ANKFY1: variants seen among roughly 807,000 people sequenced by gnomAD.
The protein encoded by ANKFY1 is ankyrin repeat and FYVE domain containing 1.
Under a neutral mutation model 128.3 loss-of-function variants are expected in ANKFY1, and 47 were observed. That is an observed-to-expected ratio of 0.37 (90% CI 0.29 to 0.47). The LOEUF is 0.47. Among genes scored for constraint, ANKFY1 ranks in the 20% least tolerant of loss-of-function variants. The probability of loss-of-function intolerance (pLI) is 1.00; values close to 1 mark genes in which losing one functional copy is unlikely to be tolerated. For missense variants in ANKFY1, 1,222 were observed against 1,510.6 expected (o/e 0.81, Z 3.17); for synonymous variants, 553 against 601.6 (o/e 0.92, Z 1.18).
At chr17:4,172,945 C>T (rs1446021616) in intron 21 of ANKFY1, among the ~76,000 whole-genome samples, 2 of 152,202 alleles carry the variant, frequency 1.3e-5, no homozygotes, top group East Asian at 3.9e-4. Context: ...CTGCAAGCTC[C>T]GCCTCCCGGG....
chr17:4,171,737 G>A (rs373106909), intron 22 of ANKFY1, among the ~76,000 whole-genome samples: 3 of 152,272 alleles, frequency 2.0e-5, no homozygotes, highest in South Asian at 2.1e-4. Flanking sequence ...AAAACAGTGC[G>A]CACGTAGCAA....
chr17:4,178,693 C>A lies in ANKFY1; in HGVS notation c.2598+164G>T. ...ACAGGCAGAGGAGCCGGATCTCATC[C>A]TGCACGGATGGGACATCTCAACAGC... On this transcript the variant is annotated intron_variant, in intron 18 of 24. Coordinates refer to ENST00000341657, the MANE Select transcript of ANKFY1 (RefSeq NM_001330063.2). This position sits in a 1 kb window ranked among gnomAD's most constrained non-coding sequence, Gnocchi z 4.1. 1 of 708,622 alleles carries A rather than the reference C, an allele frequency of 1.4e-6. No homozygotes were observed. The highest frequency in any genetic ancestry group is 2.4e-6 in the Non-Finnish European group (1 of 419,984). The allele number at this position is 708,622 out of a possible 1,614,324, so 43.9% of individuals were successfully genotyped here.
At chr17:4,190,254 G>C (rs1054497527) in intron 10 of ANKFY1, among the ~76,000 whole-genome samples, 2 of 152,030 alleles carry the variant, frequency 1.3e-5, no homozygotes, top group Non-Finnish European at 2.9e-5. Context: ...CAGCCCGGCC[G>C]ACATGGTGAA....
Position 4,181,144 on chromosome 17 carries a change from G to T in ANKFY1, c.2240+110C>A. On this transcript the variant is annotated intron_variant, in intron 16 of 24. Coordinates refer to ENST00000341657, the MANE Select transcript of ANKFY1 (RefSeq NM_001330063.2). The surrounding 1 kb of genome is among the most constrained non-coding windows in gnomAD (Gnocchi z 4.9). The stretch of plus-strand genomic sequence containing the variant: ...CTCTCTGATAACCTTAACTGTGAAA[G>T]TCAAGCCGGCTACTGGCATGCCAAG... The T allele has an allele frequency of 1.1e-6, 1 of 880,812 alleles. No homozygotes were observed. The highest frequency in any genetic ancestry group is 1.8e-6 in the Non-Finnish European group (1 of 550,510). The allele number at this position is 880,812 out of a possible 1,614,324, so 54.6% of individuals were successfully genotyped here.
chr17:4,245,489 C>T (rs1056425839), intron 1 of ANKFY1, among the ~76,000 whole-genome samples: 1 of 146,738 alleles, frequency 6.8e-6, no homozygotes, highest in Admixed American at 6.6e-5. Flanking sequence ...CAAGTGTGTG[C>T]CATCACACCT....
intron 7 of ANKFY1, among the ~76,000 whole-genome samples, chr17:4,200,050 T>C (rs892288941): frequency 2.8e-5 from 4 of 142,454 alleles, no homozygotes; most frequent in African/African-American, 7.5e-5. Context: ...ATCGGGAAAG[T>C]TGGGTTTTGG....
At chr17:4,183,618 A>G in intron 13 of ANKFY1, 67 bp from the exon 14 acceptor site, 3 of 1,582,932 alleles carry the variant, frequency 1.9e-6, no homozygotes, top group Non-Finnish European at 2.6e-6. Flanking sequence ...TTACTACAAC[A>G]GCCAGACCCT....
At chr17:4,185,783 G>A (rs1231084429) in intron 11 of ANKFY1, among the ~76,000 whole-genome samples, 1 of 152,070 alleles carries the variant, frequency 6.6e-6, no homozygotes, top group East Asian at 1.9e-4. Flanking sequence ...TATCACGACA[G>A]AACAATAACA....
chr17:4,227,618 T>A (rs1378198005), intron 3 of ANKFY1, among the ~76,000 whole-genome samples: 4 of 152,206 alleles, frequency 2.6e-5, no homozygotes, highest in Non-Finnish European at 5.9e-5. Context: ...GATGCTTGCT[T>A]TCAGACAAAT....
chr17:4,210,774 C>T (rs933256867), intron 4 of ANKFY1, among the ~76,000 whole-genome samples: 1 of 121,140 alleles, frequency 8.3e-6, no homozygotes, highest in Non-Finnish European at 1.7e-5. Context: ...TGAATTATAA[C>T]TCAATAAAGC....
chr17:4,235,947 C>G lies in ANKFY1; in HGVS notation c.204-57G>C. 3 of 1,250,282 alleles carry G rather than the reference C, an allele frequency of 2.4e-6. 1 individual carries two copies. The South Asian group carries it at 3.6e-5, about 15-fold the overall frequency. 77.4% of individuals were successfully genotyped at this position (1,250,282 alleles called of 1,614,324 possible). A position where few individuals can be genotyped will look rare whatever the true frequency, so the allele number is the denominator to read the frequency against. ...AAAATGTCATCATAACTAGGTATAG[C>G]TAGGATTCACAGCTGATAAACACAT... On this transcript the variant is annotated intron_variant, in intron 2 of 24. Coordinates refer to ENST00000341657, the MANE Select transcript of ANKFY1 (RefSeq NM_001330063.2).
At position 4,174,006 on chromosome 17, in the gene ANKFY1, G is replaced by A; in HGVS notation, c.2826C>T (p.Ala942=). 6.2e-7 allele frequency: 1 copy of A among 1,614,212 alleles called. No homozygotes were observed. Among genetic ancestry groups the A allele is most frequent in the Non-Finnish European group, 8.5e-7 (1 of 1,180,024 alleles). ...VNELTKHRQT[A]LHLAAQQDLP... is the part of the protein sequence containing the mutation. ...GGTCCTGCTGGGCAGCAAGATGGAG[G>A]GCAGTCTGGCGATGCTTGGTTAATT... Residue 942 remains alanine (A), a synonymous_variant, in exon 20 of 25, where the codon GCC becomes GCT. Transcript: ENST00000341657.
At chr17:4,170,576 A>T in intron 23 of ANKFY1, 139 bp downstream of exon 23, 2 of 1,229,760 alleles carry the variant, frequency 1.6e-6, no homozygotes, top group Non-Finnish European at 2.2e-6. Flanking sequence ...TATTCAGAGA[A>T]ATGGTCCCAG....
intron 3 of ANKFY1, among the ~76,000 whole-genome samples, chr17:4,225,170 A>G (rs2060404168): frequency 6.6e-6 from 1 of 152,114 alleles, no homozygotes; most frequent in Non-Finnish European, 1.5e-5. Context: ...AGCCTGGCCA[A>G]TTATGGCAAA....
chr17:4,199,032 C>T (rs2059879734), intron 7 of ANKFY1, among the ~76,000 whole-genome samples: 1 of 152,116 alleles, frequency 6.6e-6, no homozygotes, highest in African/African-American at 2.4e-5. Flanking sequence ...GCGGTGACAA[C>T]AGCTGTGGTT....
chr17:4,234,120 G>C (rs1395796405), intron 3 of ANKFY1, among the ~76,000 whole-genome samples: 1 of 152,166 alleles, frequency 6.6e-6, no homozygotes, highest in African/African-American at 2.4e-5. Flanking sequence ...AGAACATGCT[G>C]TACAGGGTTG....
intron 6 of ANKFY1, 51 bp from the exon 7 acceptor site, chr17:4,206,537 T>A (rs2060028671): frequency 6.5e-7 from 1 of 1,539,248 alleles, no homozygotes; most frequent in Non-Finnish European, 8.9e-7. Flanking sequence ...GAATACGACC[T>A]ATTTTAATTT....
At chr17:4,222,851 C>A in intron 3 of ANKFY1, 1 of 955,918 alleles carries the variant, frequency 1.0e-6, no homozygotes, top group Non-Finnish European at 1.7e-6. Flanking sequence ...CTCAGCCATC[C>A]ACCCAGACGA....
intron 14 of ANKFY1, among the ~76,000 whole-genome samples, chr17:4,183,119 C>T (rs913665535): frequency 1.3e-5 from 2 of 152,090 alleles, no homozygotes; most frequent in South Asian, 4.1e-4. Context: ...GGAAAAAAAA[C>T]CTGGATTTTA....
Sources: gnomAD v4.1 joint callset for allele counts (sites outside exome capture counted in the v4.1 genomes callset) on GRCh38, gnomAD v4.1.1 for gene constraint, Gnocchi (gnomAD v3.1) non-coding constraint, MANE v1.5 for transcripts, NCBI Gene and HGNC (gene_info 2026-07-23, HGNC 2026-07-21) for gene names.